The following RBPJ variants were observed in gnomAD, a reference collection of about 807,000 sequenced individuals.
RBPJ encodes the protein recombination signal binding protein for immunoglobulin kappa J region, also known as recombining binding protein suppressor of hairless.
A neutral mutation model predicts 67.8 loss-of-function variants in RBPJ; 9 were observed. That is an observed-to-expected ratio of 0.13 (90% confidence interval 0.08 to 0.23). The LOEUF is 0.23. RBPJ is among the 10% of genes least tolerant of loss of function. The pLI is 1.00. For synonymous variants in RBPJ, 198 were observed against 203.3 expected, an observed-to-expected ratio of 0.97 and a Z score of 0.22; for missense variants, 305 against 595.6, an observed-to-expected ratio of 0.51 and a Z score of 5.08.
At chr4:26,120,109 G>A in the RBPJ span, among the ~76,000 whole-genome samples, 2 of 152,256 alleles carry the variant, frequency 1.3e-5, no homozygotes, top group East Asian at 3.8e-4. Flanking sequence ...GAAGCTGGAA[G>A]TGAGCAAGAC....
At chr4:26,391,242 C>T (rs1413629641) in intron 2 of RBPJ, among the ~76,000 whole-genome samples, 1 of 152,106 alleles carries the variant, frequency 6.6e-6, no homozygotes, top group Non-Finnish European at 1.5e-5. Context: ...GGTTTCAAAG[C>T]TTACTATAAA....
chr4:26,225,275 C>T, intron 1 of RBPJ, among the ~76,000 whole-genome samples: 1 of 152,074 alleles, frequency 6.6e-6, no homozygotes, highest in East Asian at 1.9e-4. Context: ...ATAGGTTAAC[C>T]TGTTTGTTAA....
intron 1 of RBPJ, among the ~76,000 whole-genome samples, chr4:26,197,913 A>G (rs939757447): frequency 1.3e-5 from 2 of 152,208 alleles, no homozygotes; most frequent in African/African-American, 4.8e-5. Context: ...GGTTCTGACT[A>G]TATCGGCCAC....
the RBPJ span, among the ~76,000 whole-genome samples, chr4:26,147,530 CA>C: frequency 1.3e-5 from 2 of 152,196 alleles, no homozygotes; most frequent in Non-Finnish European, 2.9e-5. Context: ...ATTCTAGTTG[CA>C]AAGGAAGCTG....
chr4:26,414,140 G>A (rs193060732), intron 3 of RBPJ, among the ~76,000 whole-genome samples: 1 of 152,024 alleles, frequency 6.6e-6, no homozygotes, highest in Non-Finnish European at 1.5e-5. Context: ...AGAAGAGAAG[G>A]AAACTACTTC....
At chr4:26,320,708 T>G, upstream of RBPJ, 2 of 1,541,372 alleles carry the variant, frequency 1.3e-6, no homozygotes, top group Non-Finnish European at 1.8e-6. Flanking sequence ...AGTCTCCACG[T>G]ACGTCCCTCA....
At chr4:26,165,810 C>T (rs1349225651) in intron 1 of RBPJ, among the ~76,000 whole-genome samples, 1 of 150,726 alleles carries the variant, frequency 6.6e-6, no homozygotes, top group Non-Finnish European at 1.5e-5. Context: ...TGGTGTGCTG[C>T]ACCCATTAAC....
At chr4:26,130,544 C>G in the RBPJ span, among the ~76,000 whole-genome samples, 15 of 152,304 alleles carry the variant, frequency 9.8e-5, no homozygotes, top group Admixed American at 2.0e-4. Context: ...TCTACTGAAG[C>G]TGCAGCAACC....
chr4:26,211,798 A>C lies in RBPJ; in HGVS notation c.-167+48184A>C, dbSNP rs562658787. On this transcript the variant is annotated intron_variant, in intron 1 of 4. Transcript: ENST00000512351. ...GAAGTCTGAACCTCTAATGCCCCTT[A>C]ATATGATCTTATTTAGAAATAGGGT... 3.3e-5 allele frequency among the ~76,000 whole-genome samples: 5 copies of C among 152,324 alleles called. No homozygotes were observed. The East Asian group carries it at 7.7e-4, about 23-fold the overall frequency.
chr4:26,199,221 G>A (rs746563282), intron 1 of RBPJ, among the ~76,000 whole-genome samples: 13 of 152,092 alleles, frequency 8.5e-5, no homozygotes, highest in African/African-American at 1.2e-4. Context: ...TGAGAGGAGC[G>A]GATCATGAGG....
chr4:26,416,911 CTA>C (rs1396324959), intron 4 of RBPJ, among the ~76,000 whole-genome samples: 8 of 152,108 alleles, frequency 5.3e-5, no homozygotes, highest in African/African-American at 1.9e-4. Context: ...GATTTGTTGA[CTA>C]TGTATTTTAA....
At chr4:26,169,287 A>C (rs35174830) in intron 1 of RBPJ, among the ~76,000 whole-genome samples, 41,714 of 150,348 alleles carry the variant, frequency 0.28, 3,881 homozygotes, top group East Asian at 0.42. Flanking sequence ...TTTCCTTCTA[A>C]CAGACAGGAC....
chr4:26,320,470 C>A (rs1032111611), upstream of RBPJ: 1 of 412,866 alleles, frequency 2.4e-6, no homozygotes, highest in Non-Finnish European at 4.4e-6. Context: ...CTGCACCAAA[C>A]GCCGAGATTA....
At chr4:26,224,184 C>T (rs1231958967) in intron 1 of RBPJ, among the ~76,000 whole-genome samples, 3 of 151,946 alleles carry the variant, frequency 2.0e-5, no homozygotes, top group Non-Finnish European at 4.4e-5. Flanking sequence ...CCTCCCCTTC[C>T]CCCTGTACTC....
At chr4:26,357,355 C>G (rs1226939599) in intron 1 of RBPJ, among the ~76,000 whole-genome samples, 3 of 152,064 alleles carry the variant, frequency 2.0e-5, no homozygotes, top group African/African-American at 7.2e-5. Flanking sequence ...GAGTTAAAAT[C>G]AGTTTGTAAG....
intron 1 of RBPJ, among the ~76,000 whole-genome samples, chr4:26,274,272 A>G (rs1721010198): frequency 6.6e-6 from 1 of 152,200 alleles, no homozygotes; most frequent in Non-Finnish European, 1.5e-5. Flanking sequence ...TTAAATAATG[A>G]ATGGATTTGA....
At chr4:26,279,406 G>A (rs916860023) in intron 1 of RBPJ, among the ~76,000 whole-genome samples, 1 of 151,928 alleles carries the variant, frequency 6.6e-6, no homozygotes, top group Non-Finnish European at 1.5e-5. Context: ...TCAGCCCCCC[G>A]AGTAGTTGGG....
At chr4:26,175,922 G>A (rs534799145) in intron 1 of RBPJ, among the ~76,000 whole-genome samples, 4 of 152,250 alleles carry the variant, frequency 2.6e-5, no homozygotes, top group South Asian at 2.1e-4. Flanking sequence ...AAGGTGTTAC[G>A]CACCTTCTGG....
chr4:26,339,065 C>T (rs1411795226), intron 1 of RBPJ, among the ~76,000 whole-genome samples: 1 of 151,734 alleles, frequency 6.6e-6, no homozygotes. Context: ...AAGCCGTCTG[C>T]CCACCTTGGC....
Sources: allele counts gnomAD v4.1 joint callset (sites outside exome capture counted in the v4.1 genomes callset), GRCh38; gene constraint gnomAD v4.1.1; transcripts MANE v1.5; gene names NCBI Gene and HGNC (gene_info 2026-07-23, HGNC 2026-07-21).